Variants in KANSL1 observed in about 807,000 individuals in gnomAD.
The protein encoded by KANSL1 is KAT8 regulatory NSL complex subunit 1, also known as MLL1/MLL complex subunit KANSL1.
Under a neutral mutation model 103.6 loss-of-function variants are expected in KANSL1, and 22 were observed. The observed-to-expected ratio is 0.21, with a 90% CI of 0.15 to 0.30. KANSL1 has a LOEUF of 0.30. Among genes scored for constraint, KANSL1 ranks in the 10% least tolerant of loss-of-function variants. KANSL1 has a pLI of 1.00. For missense variants in KANSL1, 1,337 were observed against 1,399.8 expected (o/e 0.96, Z 0.72); for synonymous variants, 600 against 527.6 (o/e 1.14, Z -1.88).
rs184042704 is a variant in KANSL1, at chr17:46,216,027, G to A, written c.-90+7644C>T. Among the ~76,000 whole-genome samples the A allele has an allele frequency of 2.3e-3, 346 of 151,862 alleles. 10 individuals are homozygous for A. The highest frequency in any genetic ancestry group is 0.022 in the Admixed American group (335 of 15,256). On this transcript the variant is annotated intron_variant, in intron 1 of 14. Coordinates refer to the KANSL1 transcript ENST00000572904. ...TGCACTCCAGCCTGGGGGATAGAGC[G>A]AGACTCCGTCTCAATAGTAATAATA... is the stretch of plus-strand genomic sequence containing the variant.
chr17:46,068,737 AAGAAT>A (rs1218013665), intron 4 of KANSL1, among the ~76,000 whole-genome samples: 1 of 152,232 alleles, frequency 6.6e-6, no homozygotes, highest in Non-Finnish European at 1.5e-5. Context: ...ACAGATGAGA[AAGAAT>A]AGAAAAAGTG....
intron 4 of KANSL1, among the ~76,000 whole-genome samples, chr17:46,075,046 G>T (rs181845487): frequency 1.3e-4 from 20 of 152,176 alleles, no homozygotes; most frequent in Admixed American, 8.5e-4. Context: ...TAACTGACCA[G>T]AAATCTTGTA....
intron 6 of KANSL1, among the ~76,000 whole-genome samples, chr17:46,060,483 C>T (rs1435934905): frequency 2.0e-5 from 3 of 152,166 alleles, no homozygotes. Context: ...TTAGAGGTAA[C>T]TGTTCCAAGC....
At chr17:46,217,990 C>G (rs758424420) in intron 1 of KANSL1, among the ~76,000 whole-genome samples, 1 of 151,942 alleles carries the variant, frequency 6.6e-6, no homozygotes, top group Non-Finnish European at 1.5e-5. Flanking sequence ...TATGCCACTG[C>G]ACTCCAGCCT....
intron 7 of KANSL1, chr17:46,043,854 A>G (rs2077409909): frequency 6.6e-6 from 1 of 152,192 alleles, no homozygotes; most frequent in African/African-American, 2.4e-5. Flanking sequence ...CGGAATCAAG[A>G]GCGATTCCTC....
intron 1 of KANSL1, among the ~76,000 whole-genome samples, chr17:46,181,574 T>G (rs1162950224): frequency 6.6e-6 from 1 of 152,166 alleles, no homozygotes; most frequent in Non-Finnish European, 1.5e-5. Context: ...GGATTACCGG[T>G]GCCTGCCACC....
At chr17:46,040,496 T>G (rs2077278317) in intron 7 of KANSL1, 3 of 152,256 alleles carry the variant, frequency 2.0e-5, no homozygotes, top group Admixed American at 2.0e-4. Context: ...TTTCTTAGAT[T>G]TTTCCCAAGA....
chr17:46,062,114 CAAACAAAAAAAAAAAAAAAA>C (rs2078189865), intron 6 of KANSL1, among the ~76,000 whole-genome samples: 2 of 37,126 alleles, frequency 5.4e-5, no homozygotes, highest in Non-Finnish European at 1.3e-4. Flanking sequence ...AAAAAACAAA[CAAACAAAAAAAAAAAAAAAA>C]CATGTTACAG....
At chr17:46,079,650 T>A (rs1389464523) in intron 4 of KANSL1, among the ~76,000 whole-genome samples, 1 of 152,224 alleles carries the variant, frequency 6.6e-6, no homozygotes, top group Non-Finnish European at 1.5e-5. Flanking sequence ...CCATCATGAT[T>A]CCCTTGTTAT....
intron 11 of KANSL1, among the ~76,000 whole-genome samples, chr17:46,033,702 G>C (rs957222473): frequency 2.0e-5 from 3 of 152,280 alleles, no homozygotes; most frequent in East Asian, 3.9e-4. Context: ...GGCTGAGGCT[G>C]AGAGACTGTG....
At chr17:46,091,798 T>C (rs538427471) in intron 3 of KANSL1, among the ~76,000 whole-genome samples, 27 of 151,796 alleles carry the variant, frequency 1.8e-4, no homozygotes, top group Non-Finnish European at 3.5e-4. Context: ...ATGTATTAAG[T>C]ATGTATATAT....
chr17:46,193,732 G>T, upstream of KANSL1: 1 of 246,532 alleles, frequency 4.1e-6, no homozygotes, highest in Non-Finnish European at 8.6e-6. Context: ...CCCTCGCTGC[G>T]GCCGAGGTGA....
intron 1 of KANSL1, chr17:46,221,208 T>C (rs1350152125): frequency 6.6e-6 from 1 of 152,064 alleles, no homozygotes; most frequent in Non-Finnish European, 1.5e-5. Flanking sequence ...TTTTACTTCA[T>C]TTCACCATAG....
chr17:46,140,615 G>A (rs1224748673), intron 2 of KANSL1, among the ~76,000 whole-genome samples: 1 of 151,922 alleles, frequency 6.6e-6, no homozygotes, highest in Admixed American at 6.6e-5. Flanking sequence ...TCCACAGAAT[G>A]GAAGAAAATA....
chr17:46,156,475 T>A (rs986659117), intron 2 of KANSL1, among the ~76,000 whole-genome samples: 1 of 152,250 alleles, frequency 6.6e-6, no homozygotes, highest in African/African-American at 2.4e-5. Context: ...GGTCTTCCTA[T>A]CACCTCAGCC....
At chr17:46,066,485 T>A (rs2078380042) in intron 6 of KANSL1, 52 bp downstream of exon 6, 1 of 1,481,224 alleles carries the variant, frequency 6.8e-7, no homozygotes, top group Admixed American at 2.0e-5. Context: ...ACTAACTCTA[T>A]CTGAGCATCT....
intron 2 of KANSL1, among the ~76,000 whole-genome samples, chr17:46,169,889 C>G (rs1176529012): frequency 3.3e-5 from 5 of 152,092 alleles, no homozygotes; most frequent in Non-Finnish European, 7.3e-5. Context: ...TTTAGAAAAA[C>G]CAGTAAGATG....
chr17:46,132,273 C>CTT (rs943678225), intron 2 of KANSL1, among the ~76,000 whole-genome samples: 1 of 152,202 alleles, frequency 6.6e-6, no homozygotes, highest in African/African-American at 2.4e-5. Flanking sequence ...TTACCCAACC[C>CTT]TTTAAAGGAA....
intron 2 of KANSL1, among the ~76,000 whole-genome samples, chr17:46,163,891 A>G (rs189591913): frequency 1.4e-4 from 22 of 152,290 alleles, no homozygotes; most frequent in Admixed American, 3.3e-4. Flanking sequence ...ATACCTTTCA[A>G]CTTGTCTTCT....
Sources: allele counts gnomAD v4.1 joint callset (sites outside exome capture counted in the v4.1 genomes callset), GRCh38; gene constraint gnomAD v4.1.1; transcripts MANE v1.5; gene names NCBI Gene and HGNC (gene_info 2026-07-23, HGNC 2026-07-21).